DPH6: variants seen among roughly 807,000 people sequenced by gnomAD.
The protein encoded by DPH6 is diphthine--ammonia ligase.
DPH6 carries 33 observed loss-of-function variants against 38.2 expected under a neutral mutation model. That is an observed-to-expected ratio of 0.86 (90% CI 0.65 to 1.15). DPH6 has a LOEUF of 1.15. DPH6 is among the 50% of genes most tolerant of loss of function. The pLI, the probability that DPH6 is intolerant of heterozygous loss-of-function variation, is 0.00. For missense variants in DPH6, 325 were observed against 320.0 expected (o/e 1.02, Z -0.12); for synonymous variants, 108 against 103.0 (o/e 1.05, Z -0.30).
At chr15:35,453,309 T>C (rs745449821) in intron 4 of DPH6, among the ~76,000 whole-genome samples, 2 of 152,182 alleles carry the variant, frequency 1.3e-5, no homozygotes, top group Non-Finnish European at 2.9e-5. Context: ...ATATATGTAA[T>C]GGGCAGCCTC....
At chr15:35,267,955 G>A (rs554918914) in intron 3 of DPH6, among the ~76,000 whole-genome samples, 2 of 152,110 alleles carry the variant, frequency 1.3e-5, no homozygotes, top group Non-Finnish European at 2.9e-5. Context: ...CAGATCATGA[G>A]GTCAGGAGAT....
the DPH6 span, among the ~76,000 whole-genome samples, chr15:35,188,359 T>C: frequency 9.2e-5 from 14 of 152,082 alleles, no homozygotes; most frequent in Admixed American, 6.5e-4. Flanking sequence ...CCACTGTGCA[T>C]GCTCACTTCT....
At chr15:35,212,415 C>T (rs1454779120), downstream of DPH6, among the ~76,000 whole-genome samples, 1 of 152,036 alleles carries the variant, frequency 6.6e-6, no homozygotes, top group East Asian at 1.9e-4. Context: ...TGCTCTGCAG[C>T]AAAAGAAATA....
At chr15:35,404,577 A>AT (rs1413444259) in intron 6 of DPH6, among the ~76,000 whole-genome samples, 1 of 152,026 alleles carries the variant, frequency 6.6e-6, no homozygotes, top group Non-Finnish European at 1.5e-5. Flanking sequence ...GGATCATTAG[A>AT]TTTTTTTCCT....
intron 7 of DPH6, among the ~76,000 whole-genome samples, chr15:35,375,358 A>G (rs1365724083): frequency 6.6e-6 from 1 of 152,076 alleles, no homozygotes; most frequent in East Asian, 1.9e-4. Context: ...TCACTTATAC[A>G]AAGGAAGAGT....
intron 3 of DPH6, among the ~76,000 whole-genome samples, chr15:35,535,704 G>C (rs1320118992): frequency 6.6e-6 from 1 of 152,040 alleles, no homozygotes; most frequent in African/African-American, 2.4e-5. Context: ...AAATTCTAAA[G>C]AATAAAAGAT....
At chr15:35,531,852 G>A (rs376887376) in intron 3 of DPH6, among the ~76,000 whole-genome samples, 25 of 152,140 alleles carry the variant, frequency 1.6e-4, no homozygotes, top group African/African-American at 6.0e-4. Flanking sequence ...CCATATGTCA[G>A]GAACTCTGCT....
At chr15:35,391,322 T>G (rs2053053806) in intron 6 of DPH6, among the ~76,000 whole-genome samples, 1 of 152,220 alleles carries the variant, frequency 6.6e-6, no homozygotes. Flanking sequence ...CTGTCCATTC[T>G]CAGATCCCAA....
intron 3 of DPH6, chr15:35,237,755 T>C: frequency 1.2e-6 from 2 of 1,611,876 alleles, no homozygotes; most frequent in Non-Finnish European, 1.7e-6. Flanking sequence ...GCAACTCACA[T>C]ATCTTGACGG....
At chr15:35,403,166 A>G (rs2053244450) in intron 6 of DPH6, among the ~76,000 whole-genome samples, 1 of 152,136 alleles carries the variant, frequency 6.6e-6, no homozygotes, top group Non-Finnish European at 1.5e-5. Context: ...ATAAATCATG[A>G]GGGAATATAC....
intron 3 of DPH6, among the ~76,000 whole-genome samples, chr15:35,364,383 C>G (rs1186548979): frequency 1.3e-5 from 2 of 152,038 alleles, no homozygotes; most frequent in East Asian, 3.8e-4. Flanking sequence ...GCAGACATTA[C>G]TCTTTATTTA....
chr15:35,201,039 G>T, the DPH6 span, among the ~76,000 whole-genome samples: 1 of 110,396 alleles, frequency 9.1e-6, no homozygotes, highest in South Asian at 2.9e-4. Context: ...CTTACCAGTT[G>T]ATTTTCCATG....
intron 3 of DPH6, among the ~76,000 whole-genome samples, chr15:35,534,943 TC>T (rs2141547687): frequency 6.6e-6 from 1 of 152,268 alleles, no homozygotes; most frequent in South Asian, 2.1e-4. Flanking sequence ...TACCCAACAT[TC>T]TAGGCTTCAT....
At chr15:35,538,137 C>CA in intron 3 of DPH6, 137 bp downstream of exon 3, 6 of 730,360 alleles carry the variant, frequency 8.2e-6, no homozygotes, top group East Asian at 3.0e-5. Context: ...TTTTTCTAAC[C>CA]AAAAAAAGAC....
the DPH6 span, among the ~76,000 whole-genome samples, chr15:35,210,256 T>G: frequency 6.6e-6 from 1 of 152,216 alleles, no homozygotes; most frequent in African/African-American, 2.4e-5. Flanking sequence ...GAGTTCTTAC[T>G]TAACTGGACA....
chr15:35,461,298 C>T (rs1032719719), intron 3 of DPH6, among the ~76,000 whole-genome samples: 8 of 152,190 alleles, frequency 5.3e-5, no homozygotes, highest in Admixed American at 5.2e-4. Flanking sequence ...TGGCCTCAAA[C>T]TCCAGACCTT....
chr15:35,206,108 G>A, the DPH6 span, among the ~76,000 whole-genome samples: 2,224 of 152,034 alleles, frequency 0.015, 53 homozygotes, highest in African/African-American at 0.051. Context: ...TTGTGATTGC[G>A]AAAATAAGGC....
At chr15:35,294,757 A>C (rs1388896679) in intron 3 of DPH6, among the ~76,000 whole-genome samples, 1 of 152,214 alleles carries the variant, frequency 6.6e-6, no homozygotes, top group African/African-American at 2.4e-5. Flanking sequence ...ATAAAACTGC[A>C]GCTGTGACAT....
intron 5 of DPH6, among the ~76,000 whole-genome samples, chr15:35,442,634 T>C (rs913252068): frequency 1.3e-5 from 2 of 152,234 alleles, no homozygotes; most frequent in Non-Finnish European, 2.9e-5. Context: ...CAAATGTCCA[T>C]GGACTGATGA....
Sources: gnomAD v4.1 joint callset for allele counts (sites outside exome capture counted in the v4.1 genomes callset) on GRCh38, gnomAD v4.1.1 for gene constraint, MANE v1.5 for transcripts, NCBI Gene and HGNC (gene_info 2026-07-23, HGNC 2026-07-21) for gene names.